CFAP45: variants seen among roughly 807,000 people sequenced by gnomAD.
CFAP45 encodes cilia- and flagella-associated protein 45.
In CFAP45, 43 loss-of-function variants were observed where a neutral mutation model predicts 75.6. The ratio of observed to expected loss-of-function variants is 0.57; its 90% CI spans 0.45 to 0.73. CFAP45 has a LOEUF of 0.73. CFAP45 is among the 30% of genes least tolerant of loss of function. CFAP45 has a pLI of 0.00. For missense variants in CFAP45, 689 were observed against 701.5 expected, an observed-to-expected ratio of 0.98 and a Z score of 0.20; for synonymous variants, 223 against 244.6, an observed-to-expected ratio of 0.91 and a Z score of 0.82.
rs552434069 is a variant in CFAP45, at chr1:159,888,235, T to C, written c.417+117A>G. ...GCTCTTTGGTCTCCTTTCTGTAATATTTCTTCATTAAGTACATAATTTGTG... is the reference window on the plus strand; with the variant it reads ...GCTCTTTGGTCTCCTTTCTGTAATACTTCTTCATTAAGTACATAATTTGTG... On this transcript the variant is annotated intron_variant, in intron 4 of 11. Transcript: ENST00000368099. The C allele has an allele frequency of 3.4e-5, 41 of 1,191,652 alleles. No homozygotes were observed. In the East Asian group the frequency reaches 5.9e-4, roughly 17 times the overall value. The allele number at this position is 1,191,652 out of a possible 1,614,324, so 73.8% of individuals were successfully genotyped here.
At chr1:159,878,782 A>AAAAAAAAAAAAAAAAAAAAAAATT (rs1649476344) in intron 8 of CFAP45, among the ~76,000 whole-genome samples, 1 of 141,392 alleles carries the variant, frequency 7.1e-6, no homozygotes, top group Admixed American at 7.1e-5. Context: ...AAAAAAAAAA[A>AAAAAAAAAAAAAAAAAAAAAAATT]CCTTCCTTGC....
rs1419641256 is a variant in CFAP45, at chr1:159,882,405, CTATT to C, written c.898-1709_898-1706del. Among the ~76,000 whole-genome samples, 13 of 152,276 alleles carry C rather than the reference CTATT, an allele frequency of 8.5e-5. No individual in the cohort carries two copies. In the South Asian group the frequency reaches 2.1e-3, roughly 24 times the overall value. Reference sequence around the variant, plus strand: ...ATCATGTATTTATTTACTTCTTTCCCTATTTATTTACTTTTTGGATTGTTGTTTT... The same window carrying C: ...ATCATGTATTTATTTACTTCTTTCCCTATTTACTTTTTGGATTGTTGTTTT... On this transcript the variant is annotated intron_variant, in intron 7 of 11. Coordinates refer to ENST00000368099, the MANE Select transcript of CFAP45 (RefSeq NM_012337.3).
At chr1:159,897,319 C>T (rs937800103) in intron 1 of CFAP45, among the ~76,000 whole-genome samples, 1 of 151,724 alleles carries the variant, frequency 6.6e-6, no homozygotes, top group Non-Finnish European at 1.5e-5. Flanking sequence ...CATGGTGGCT[C>T]ACGCCTGTAA....
chr1:159,886,572 G>A lies in CFAP45; in HGVS notation c.706C>T (p.Arg236Trp), dbSNP rs112160389. The A allele has an allele frequency of 6.4e-5, 104 of 1,613,872 alleles. 1 individual carries two copies. The highest frequency in any genetic ancestry group is 4.7e-4 in the South Asian group (43 of 91,076). The stretch of plus-strand genomic sequence containing the variant: ...TCCTGCCTTTGAATGGATTTCTGCC[G>A]CTCCACTTCCATCATCTGATCCAAC... ...KRLDQMMEVE[R>W]QKSIQRQEEL... is the part of the protein sequence containing the mutation. The change falls in exon 6 of 12, where the codon CGG becomes TGG. Residue 236 changes from arginine (R) to tryptophan (W), a missense_variant. Arg to Trp is a moderately radical substitution (Grantham distance 101). Coordinates refer to ENST00000368099, the MANE Select transcript of CFAP45 (RefSeq NM_012337.3).
chr1:159,896,986 G>C (rs903007332), intron 1 of CFAP45, among the ~76,000 whole-genome samples: 5 of 152,236 alleles, frequency 3.3e-5, no homozygotes, highest in Admixed American at 2.0e-4. Flanking sequence ...GCATAAGGCT[G>C]GGTGCAGTAG....
intron 4 of CFAP45, 139 bp downstream of exon 4, chr1:159,888,213 C>G: frequency 4.7e-6 from 5 of 1,070,270 alleles, no homozygotes; most frequent in Non-Finnish European, 6.8e-6. Flanking sequence ...AGGTATTGCT[C>G]TTTGGTCTCC....
rs973895277 is a variant in CFAP45 at position 159,877,219 on chromosome 1, C to T, written c.1158+130G>A. On this transcript the variant is annotated intron_variant, in intron 9 of 11. Coordinates refer to ENST00000368099, the MANE Select transcript of CFAP45 (RefSeq NM_012337.3). Reference sequence around the variant, plus strand: ...AGCAGGCCACCCCTTCCTTCTCAGACTACTGAAGTCTAGGTAACTTGCATC... The same window carrying T: ...AGCAGGCCACCCCTTCCTTCTCAGATTACTGAAGTCTAGGTAACTTGCATC... 4.7e-5 allele frequency: 36 copies of T among 761,666 alleles called. No individual in the cohort carries two copies. The African/African-American group carries it at 5.9e-4, about 13-fold the overall frequency. 47.2% of individuals were successfully genotyped at this position (761,666 alleles called of 1,614,324 possible). A position where few individuals can be genotyped will look rare whatever the true frequency, so the allele number is the denominator to read the frequency against.
Position 159,884,581 on chromosome 1 carries a change from G to T in CFAP45, c.768-16C>A, listed in dbSNP as rs775884442. 2 of 1,611,034 alleles carry T rather than the reference G, an allele frequency of 1.2e-6. No individual in the cohort carries two copies. The highest frequency in any genetic ancestry group is 2.2e-5 in the South Asian group (2 of 90,638). On this transcript the variant is annotated splice_polypyrimidine_tract_variant and intron_variant, in intron 6 of 11. Coordinates refer to ENST00000368099, the MANE Select transcript of CFAP45 (RefSeq NM_012337.3). ...CCGCCTTCCTCTTGGAGAGAACAGT[G>T]CCACAGTGTCTTAGAAACCCCGGGT...
Position 159,873,166 on chromosome 1 carries a change from G to A in CFAP45, c.1355C>T (p.Ala452Val), listed in dbSNP as rs761114105. ...CTCCTTCTCAATCTGTTCTCTCTGAGCCCTGGGGGAGGGAAACAGGAATGG... is the reference window on the plus strand; with the variant it reads ...CTCCTTCTCAATCTGTTCTCTCTGAACCCTGGGGGAGGGAAACAGGAATGG... ...DRDEFERILR[A>V]QREQIEKERL... Residue 452 changes from alanine to valine, a missense_variant and splice_region_variant, in exon 11 of 12, where the codon GCT becomes GTT. Ala to Val is a moderately conservative substitution (Grantham distance 64, BLOSUM62 0). Coordinates refer to ENST00000368099, the MANE Select transcript of CFAP45 (RefSeq NM_012337.3). 1 of 1,613,108 alleles carries A rather than the reference G, an allele frequency of 6.2e-7. No individual in the cohort carries two copies. Among genetic ancestry groups the A allele is most frequent in the East Asian group, 2.2e-5 (1 of 44,842 alleles).
chr1:159,890,429 T>C (rs1649796757), intron 3 of CFAP45, 51 bp downstream of exon 3: 1 of 1,591,716 alleles, frequency 6.3e-7, no homozygotes, highest in Non-Finnish European at 8.6e-7. Context: ...CAAAGATCCT[T>C]AGCAAAAGGA....
rs759377667 is a variant in CFAP45 at position 159,880,696 on chromosome 1, A to C, written c.902T>G (p.Met301Arg). The C allele has an allele frequency of 1.9e-6, 3 of 1,613,674 alleles. No homozygotes were observed. Among genetic ancestry groups the C allele is most frequent in the Non-Finnish European group, 2.5e-6 (3 of 1,179,836 alleles). Reference sequence around the variant, plus strand: ...CAGTTTTTGTTGCTGCCTTCGTTCCATGTCCTGCCAGCAAAAGAAAGAGAG... The same window carrying C: ...CAGTTTTTGTTGCTGCCTTCGTTCCCTGTCCTGCCAGCAAAAGAAAGAGAG... ...EQLQEEDLKD[M>R]ERRQQQKLKM... The change falls in exon 8 of 12, where the codon ATG (methionine) becomes AGG (arginine). Residue 301 changes from methionine (M) to arginine (R), a missense_variant. Coordinates refer to ENST00000368099, the MANE Select transcript of CFAP45 (RefSeq NM_012337.3).
At chr1:159,892,363 T>C (rs10752631) in intron 2 of CFAP45, among the ~76,000 whole-genome samples, 84,747 of 152,060 alleles carry the variant, frequency 0.56, 26,497 homozygotes, top group East Asian at 0.77. Context: ...TGCTGCAGAG[T>C]GAGAGTCTTC....
intron 11 of CFAP45, 84 bp from the exon 12 acceptor site, chr1:159,872,647 C>T (rs1649306981): frequency 4.0e-6 from 5 of 1,249,340 alleles, no homozygotes; most frequent in Non-Finnish European, 5.9e-6. Context: ...GTGGGGTTTA[C>T]AGAACCTGGG....
intron 8 of CFAP45, among the ~76,000 whole-genome samples, chr1:159,879,058 C>T (rs1025882088): frequency 6.6e-6 from 1 of 152,116 alleles, no homozygotes; most frequent in Non-Finnish European, 1.5e-5. Context: ...TGCCTGATTC[C>T]GTGGCCAGTC....
chr1:159,883,626 AT>A (rs60451451), intron 7 of CFAP45, among the ~76,000 whole-genome samples: 17 of 130,894 alleles, frequency 1.3e-4, no homozygotes, highest in African/African-American at 5.2e-4. Flanking sequence ...ACAATAAAAT[AT>A]ATATATATAT....
Position 159,881,099 on chromosome 1 carries a change from C to T in CFAP45, c.898-399G>A, listed in dbSNP as rs560236536. Reference sequence around the variant, plus strand: ...ACTTTCACTCTCCAGTCAATAGTGACGACTGAAATAATACATATTGCCTTA... The same window carrying T: ...ACTTTCACTCTCCAGTCAATAGTGATGACTGAAATAATACATATTGCCTTA... On this transcript the variant is annotated intron_variant, in intron 7 of 11. Transcript: ENST00000368099. Among the ~76,000 whole-genome samples the T allele has an allele frequency of 7.2e-5, 11 of 152,270 alleles. No homozygotes were observed. The South Asian group carries it at 1.0e-3, about 14-fold the overall frequency.
intron 8 of CFAP45, among the ~76,000 whole-genome samples, chr1:159,878,677 C>T (rs142126020): frequency 0.012 from 1,800 of 144,580 alleles, 45 homozygotes; most frequent in African/African-American, 0.044. Context: ...CTCTTGAACC[C>T]GGAAGGCAGA....
chr1:159,872,696 C>T (rs1031278701), intron 11 of CFAP45, 133 bp from the exon 12 acceptor site: 23 of 837,924 alleles, frequency 2.7e-5, no homozygotes, highest in East Asian at 5.3e-5. Context: ...AATCCACCCC[C>T]GAAACACACA....
intron 3 of CFAP45, among the ~76,000 whole-genome samples, chr1:159,889,443 G>A (rs1199478771): frequency 6.6e-6 from 1 of 152,210 alleles, no homozygotes. Flanking sequence ...GACAGAATGA[G>A]TGAGTAGATT....
Sources: gnomAD v4.1 joint callset for allele counts (sites outside exome capture counted in the v4.1 genomes callset) on GRCh38, gnomAD v4.1.1 for gene constraint, MANE v1.5 for transcripts, NCBI Gene and HGNC (gene_info 2026-07-23, HGNC 2026-07-21) for gene names.